The following GHR variants were observed in gnomAD, a reference collection of about 807,000 sequenced individuals.
GHR encodes GH receptor.
A neutral mutation model predicts 67.1 loss-of-function variants in GHR; 35 were observed. The observed-to-expected ratio is 0.52, with a 90% CI of 0.40 to 0.69. The LOEUF is 0.69. GHR is among the 30% of genes least tolerant of loss of function. The probability of loss-of-function intolerance (pLI) is 0.00; values close to 1 mark genes in which losing one functional copy is unlikely to be tolerated. For synonymous variants in GHR, 272 were observed against 269.1 expected (o/e 1.01, Z -0.10); for missense variants, 792 against 764.6 (o/e 1.04, Z -0.42).
intron 1 of GHR, among the ~76,000 whole-genome samples, chr5:42,506,121 T>C (rs2112248233): frequency 6.6e-6 from 1 of 152,354 alleles, no homozygotes; most frequent in Admixed American, 6.5e-5. Context: ...ATTTACTCCA[T>C]GCTGCATACT....
chr5:42,474,902 TAAA>T (rs1466770026), intron 1 of GHR, among the ~76,000 whole-genome samples: 7 of 136,870 alleles, frequency 5.1e-5, no homozygotes, highest in Admixed American at 1.5e-4. Context: ...TTTTTTTTTT[TAAA>T]CAGAGTCTCG....
intron 3 of GHR, among the ~76,000 whole-genome samples, chr5:42,674,793 T>A (rs1756488964): frequency 6.6e-6 from 1 of 152,198 alleles, no homozygotes; most frequent in Non-Finnish European, 1.5e-5. Flanking sequence ...TTATTTTAAA[T>A]AATGCTGTTA....
rs78490223 is a variant in GHR, at chr5:42,496,114, A to C, written c.-11-69750A>C. On this transcript the variant is annotated intron_variant, in intron 1 of 9. Coordinates refer to ENST00000230882, the MANE Select transcript of GHR (RefSeq NM_000163.5). ...CGGTGCCAGACTGCTCCTGTGATTC[A>C]TCTCTTCTCCTGTCAAGACCAGTTG... is the stretch of plus-strand genomic sequence containing the variant. Among the ~76,000 whole-genome samples the C allele has an allele frequency of 8.2e-3, 1,244 of 152,256 alleles. 80 individuals carry two copies. The East Asian group carries it at 0.16, about 20-fold the overall frequency.
chr5:42,608,491 A>G (rs1561164281), intron 2 of GHR, among the ~76,000 whole-genome samples: 1 of 152,140 alleles, frequency 6.6e-6, no homozygotes, highest in Non-Finnish European at 1.5e-5. Context: ...TTAGGGCAGT[A>G]GATTATATCA....
At chr5:42,645,007 CT>C (rs1754660509) in intron 3 of GHR, among the ~76,000 whole-genome samples, 1 of 152,040 alleles carries the variant, frequency 6.6e-6, no homozygotes, top group South Asian at 2.1e-4. Context: ...GTCTTTATTA[CT>C]AGTGGCCAGA....
At chr5:42,653,960 T>C (rs1755130122) in intron 3 of GHR, among the ~76,000 whole-genome samples, 1 of 152,216 alleles carries the variant, frequency 6.6e-6, no homozygotes, top group South Asian at 2.1e-4. Flanking sequence ...AGAGTTATTT[T>C]AGTTCTATCA....
chr5:42,465,765 C>T, intron 1 of GHR: 1 of 889,160 alleles, frequency 1.1e-6, no homozygotes, highest in Non-Finnish European at 1.9e-6. Flanking sequence ...GAATCAAATC[C>T]ATCTCCTTGG....
intron 1 of GHR, among the ~76,000 whole-genome samples, chr5:42,430,245 T>C (rs1743032763): frequency 6.6e-6 from 1 of 152,214 alleles, no homozygotes; most frequent in Non-Finnish European, 1.5e-5. Context: ...GGCACCTACC[T>C]GGTGTGACTG....
intron 2 of GHR, among the ~76,000 whole-genome samples, chr5:42,617,927 A>G (rs1389930246): frequency 6.6e-6 from 1 of 152,134 alleles, no homozygotes; most frequent in Non-Finnish European, 1.5e-5. Flanking sequence ...TACCTGGTAT[A>G]ATTTTCCACT....
At chr5:42,669,125 T>C (rs766902605) in intron 3 of GHR, among the ~76,000 whole-genome samples, 2 of 152,180 alleles carry the variant, frequency 1.3e-5, no homozygotes, top group Non-Finnish European at 2.9e-5. Flanking sequence ...CAGTGTGCTG[T>C]GATCCTTGGA....
intron 3 of GHR, among the ~76,000 whole-genome samples, chr5:42,638,541 G>A (rs143257183): frequency 1.4e-3 from 219 of 152,232 alleles, no homozygotes; most frequent in African/African-American, 4.8e-3. Context: ...AATCTATACA[G>A]CATGTTACTG....
At chr5:42,455,229 G>T (rs1443878141) in intron 1 of GHR, among the ~76,000 whole-genome samples, 1 of 152,106 alleles carries the variant, frequency 6.6e-6, no homozygotes, top group African/African-American at 2.4e-5. Flanking sequence ...GGAACTCATT[G>T]CTTTTTGCCT....
At chr5:42,683,383 G>A (rs909529085) in intron 3 of GHR, among the ~76,000 whole-genome samples, 3 of 152,178 alleles carry the variant, frequency 2.0e-5, no homozygotes, top group African/African-American at 7.2e-5. Flanking sequence ...CTGCTGTATG[G>A]TTCTCACCAC....
chr5:42,548,629 A>G, intron 1 of GHR: 1 of 286,370 alleles, frequency 3.5e-6, no homozygotes, highest in Non-Finnish European at 5.2e-6. Context: ...AATCTTTAAT[A>G]TATGGCTGTG....
rs554196562 is a variant in GHR, at chr5:42,636,555, A to G, written c.136+7452A>G. On this transcript the variant is annotated intron_variant, in intron 3 of 9. Transcript: ENST00000230882. ...ACCAACTCTAATCACTGCTCCCGAG[A>G]GAGCCCTAGCTTCTGCACACATGAG... 2.6e-5 allele frequency among the ~76,000 whole-genome samples: 4 copies of G among 152,188 alleles called. No homozygotes were observed. The South Asian group carries it at 8.3e-4, about 32-fold the overall frequency.
intron 2 of GHR, among the ~76,000 whole-genome samples, chr5:42,594,016 A>G (rs1751934390): frequency 6.6e-6 from 1 of 152,176 alleles, no homozygotes; most frequent in African/African-American, 2.4e-5. Flanking sequence ...CAGTGCTCAA[A>G]TGACTTGTTT....
intron 1 of GHR, among the ~76,000 whole-genome samples, chr5:42,535,351 G>A (rs576873794): frequency 1.3e-5 from 2 of 152,188 alleles, no homozygotes; most frequent in South Asian, 4.2e-4. Context: ...AAGAGATGAG[G>A]ATCCAGTTTT....
intron 1 of GHR, among the ~76,000 whole-genome samples, chr5:42,470,542 C>T (rs912269580): frequency 2.0e-5 from 3 of 152,100 alleles, no homozygotes; most frequent in Non-Finnish European, 4.4e-5. Context: ...ATGCTTGCTT[C>T]GTTCATATGA....
chr5:42,617,422 ACACAG>A (rs1302835672), intron 2 of GHR, among the ~76,000 whole-genome samples: 12 of 135,928 alleles, frequency 8.8e-5, no homozygotes, highest in Non-Finnish European at 2.0e-4. Context: ...ACACACACAC[ACACAG>A]CATTTGCTGC....
Sources: allele counts gnomAD v4.1 joint callset (sites outside exome capture counted in the v4.1 genomes callset), GRCh38; gene constraint gnomAD v4.1.1; transcripts MANE v1.5; gene names NCBI Gene and HGNC (gene_info 2026-07-23, HGNC 2026-07-21).